Variants in TRMT1L observed in about 807,000 individuals in gnomAD.
TRMT1L encodes tRNA (guanine(27)-N(2))-dimethyltransferase.
TRMT1L carries 28 observed loss-of-function variants against 81.6 expected under a neutral mutation model. That is an observed-to-expected ratio of 0.34 (90% confidence interval 0.25 to 0.47). TRMT1L has a LOEUF of 0.47. Ranked by LOEUF, TRMT1L falls within the 20% of genes least tolerant of loss-of-function variation. The pLI, the probability that TRMT1L is intolerant of heterozygous loss-of-function variation, is 1.00. For synonymous variants in TRMT1L, 301 were observed against 303.2 expected (o/e 0.99, Z 0.07); for missense variants, 739 against 877.1 (o/e 0.84, Z 1.99).
At chr1:185,127,675 C>G (rs981961467) in intron 11 of TRMT1L, among the ~76,000 whole-genome samples, 8 of 144,958 alleles carry the variant, frequency 5.5e-5, no homozygotes, top group Non-Finnish European at 1.2e-4. Context: ...AGGAAAATTG[C>G]TTGAACCTGG....
intron 10 of TRMT1L, among the ~76,000 whole-genome samples, chr1:185,132,465 G>C (rs1246570470): frequency 6.6e-6 from 1 of 151,476 alleles, no homozygotes; most frequent in African/African-American, 2.4e-5. Context: ...GTTGCAGTGA[G>C]CTGATATCAT....
chr1:185,147,004 A>C (rs572242760), intron 4 of TRMT1L, among the ~76,000 whole-genome samples, 178 bp downstream of exon 4: 1 of 151,120 alleles, frequency 6.6e-6, no homozygotes, highest in Non-Finnish European at 1.5e-5. Flanking sequence ...TCAATATAAC[A>C]ATTATTTTTT....
chr1:185,126,817 T>G (rs1652642770), intron 11 of TRMT1L, among the ~76,000 whole-genome samples: 1 of 152,064 alleles, frequency 6.6e-6, no homozygotes, highest in South Asian at 2.1e-4. Flanking sequence ...GCCAACATGA[T>G]GAAACCCCCT....
In TRMT1L at chr1:185,151,392, G is replaced by A. The variant is rs188751717; in HGVS notation, c.346+433C>T. Among the ~76,000 whole-genome samples, 179 of 152,254 alleles carry A rather than the reference G, an allele frequency of 1.2e-3. 1 individual carries two copies. The highest frequency in any genetic ancestry group is 1.9e-3 in the Non-Finnish European group (127 of 68,022). ...AAACCACGCAGTCAGCGATCTTGAG[G>A]ATACAAACCAAACACTAAGGAGAGT... is the stretch of plus-strand genomic sequence containing the variant. On this transcript the variant is annotated intron_variant, in intron 2 of 14. Coordinates refer to ENST00000367506, the MANE Select transcript of TRMT1L (RefSeq NM_030934.5).
chr1:185,153,897 A>G (rs1032931645), intron 1 of TRMT1L, among the ~76,000 whole-genome samples: 10 of 152,316 alleles, frequency 6.6e-5, no homozygotes, highest in African/African-American at 2.4e-4. Flanking sequence ...CACCTTCTTG[A>G]CTACTCCTCT....
chr1:185,121,939 C>T (rs1221326152), intron 13 of TRMT1L, among the ~76,000 whole-genome samples: 1 of 151,912 alleles, frequency 6.6e-6, no homozygotes, highest in Non-Finnish European at 1.5e-5. Flanking sequence ...GGCCACATCC[C>T]ATCCCTCCCC....
At position 185,140,127 on chromosome 1, in the gene TRMT1L, T is replaced by C; in HGVS notation, c.955A>G (p.Asn319Asp). Residue 319 changes from asparagine (N) to aspartate (D), a missense_variant, in exon 8 of 15, where the codon AAC becomes GAC. Asn to Asp is a conservative substitution (Grantham distance 23). Coordinates refer to ENST00000367506, the MANE Select transcript of TRMT1L (RefSeq NM_030934.5). ...ACTTTCAATTTGTTTAAATGGCAGT[T>C]TTCCTGAATCAGTGTCACAGAATTT... ...NENSVTLIQE[N>D]CHLNKLKVVV... The C allele has an allele frequency of 6.2e-7, 1 of 1,613,884 alleles. No individual in the cohort carries two copies. Among genetic ancestry groups the C allele is most frequent in the Non-Finnish European group, 8.5e-7 (1 of 1,179,888 alleles).
chr1:185,150,933 CAT>C (rs1653327746), intron 2 of TRMT1L, among the ~76,000 whole-genome samples: 1 of 152,108 alleles, frequency 6.6e-6, no homozygotes, highest in Admixed American at 6.6e-5. Context: ...AAACAGTTAA[CAT>C]GTGGAGTTAG....
chr1:185,156,960 A>G, upstream of TRMT1L: 2 of 565,774 alleles, frequency 3.5e-6, no homozygotes, highest in Non-Finnish European at 6.1e-6. Flanking sequence ...TTACGACGCC[A>G]CCACAAACTG....
Position 185,156,779 on chromosome 1 carries a change from T to G in TRMT1L, c.-67A>C. On this transcript the variant is annotated 5_prime_UTR_variant, in exon 1 of 15. Transcript: ENST00000367506. The stretch of plus-strand genomic sequence containing the variant: ...GGGGCTCACGGCGGGGTCAGAGAAC[T>G]GACGTGAATGCCCACAGGGCTGGAT... 6 of 1,594,178 alleles carry G rather than the reference T, an allele frequency of 3.8e-6. No homozygotes were observed. Among genetic ancestry groups the G allele is most frequent in the Non-Finnish European group, 5.1e-6 (6 of 1,170,730 alleles).
intron 8 of TRMT1L, 104 bp downstream of exon 8, chr1:185,139,869 T>G: frequency 7.5e-7 from 1 of 1,335,650 alleles, no homozygotes; most frequent in Non-Finnish European, 1.0e-6. Flanking sequence ...TGGCATTAAT[T>G]TAAATAAATA....
At position 185,135,137 on chromosome 1, in the gene TRMT1L, C is replaced by T. The variant is rs140368900; in HGVS notation, c.1513+2469G>A. 9.2e-3 allele frequency among the ~76,000 whole-genome samples: 1,396 copies of T among 152,000 alleles called. 27 individuals are homozygous for T. The highest frequency in any genetic ancestry group is 0.054 in the South Asian group (262 of 4,816). Reference sequence around the variant, plus strand: ...TAGACATTAAGAAAAACAAACAGGCCGGGTGTGGTGGCTCACGCTTGTAAT... The same window carrying T: ...TAGACATTAAGAAAAACAAACAGGCTGGGTGTGGTGGCTCACGCTTGTAAT... On this transcript the variant is annotated intron_variant, in intron 10 of 14. Transcript: ENST00000367506.
chr1:185,122,197 T>C (rs1330154506), intron 13 of TRMT1L, among the ~76,000 whole-genome samples: 3 of 152,196 alleles, frequency 2.0e-5, no homozygotes, highest in Non-Finnish European at 4.4e-5. Flanking sequence ...GATGGGCACC[T>C]AGGTTGATTC....
At chr1:185,133,951 A>G (rs142003889) in intron 10 of TRMT1L, among the ~76,000 whole-genome samples, 1 of 152,306 alleles carries the variant, frequency 6.6e-6, no homozygotes, top group Non-Finnish European at 1.5e-5. Flanking sequence ...AAAAATACTA[A>G]CACTAAATAT....
At chr1:185,140,798 G>A (rs747019114) in intron 7 of TRMT1L, among the ~76,000 whole-genome samples, 8 of 151,550 alleles carry the variant, frequency 5.3e-5, no homozygotes, top group Non-Finnish European at 1.0e-4. Context: ...GGGCAACATA[G>A]CAAATCCCTA....
Position 185,152,443 on chromosome 1 carries a change from G to C in TRMT1L, c.236-508C>G, listed in dbSNP as rs1653384170. 4.6e-5 allele frequency among the ~76,000 whole-genome samples: 7 copies of C among 152,338 alleles called. No homozygotes were observed. The South Asian group carries it at 1.5e-3, about 32-fold the overall frequency. On this transcript the variant is annotated intron_variant, in intron 1 of 14. Transcript: ENST00000367506. ...TGGTATGTTTGGGGGGATGGAGTCA[G>C]TAGAAGTATGTGCAGCTGAAGATGC...
chr1:185,123,462 G>A (rs1358912597), intron 13 of TRMT1L, among the ~76,000 whole-genome samples: 1 of 152,068 alleles, frequency 6.6e-6, no homozygotes, highest in East Asian at 1.9e-4. Context: ...TCTTTTGGCT[G>A]AAGAATGAGG....
At chr1:185,129,135 A>G (rs1292008688) in intron 10 of TRMT1L, among the ~76,000 whole-genome samples, 1 of 152,040 alleles carries the variant, frequency 6.6e-6, no homozygotes, top group Non-Finnish European at 1.5e-5. Flanking sequence ...AAGGAAGGAG[A>G]AAGTCTTATA....
At chr1:185,145,168 A>C (rs1023680340) in intron 5 of TRMT1L, among the ~76,000 whole-genome samples, 3 of 151,902 alleles carry the variant, frequency 2.0e-5, no homozygotes, top group African/African-American at 7.2e-5. Context: ...TGTCACTGGG[A>C]AAACAATTCT....
Sources: allele counts gnomAD v4.1 joint callset (sites outside exome capture counted in the v4.1 genomes callset), GRCh38; gene constraint gnomAD v4.1.1; transcripts MANE v1.5; gene names NCBI Gene and HGNC (gene_info 2026-07-23, HGNC 2026-07-21).